WBP1L: variants seen among roughly 807,000 people sequenced by gnomAD.
WBP1L encodes the protein WW domain binding protein 1-like.
Under a neutral mutation model 33.7 loss-of-function variants are expected in WBP1L, and 17 were observed. The observed-to-expected ratio is 0.50, with a 90% CI of 0.34 to 0.76. The LOEUF is 0.76. Among genes scored for constraint, WBP1L ranks in the 30% least tolerant of loss-of-function variants. The pLI is 0.01. For synonymous variants in WBP1L, 173 were observed against 190.8 expected (o/e 0.91, Z 0.77); for missense variants, 389 against 469.4 (o/e 0.83, Z 1.58).
intron 1 of WBP1L, chr10:102,776,382 T>G: frequency 6.2e-7 from 1 of 1,614,162 alleles, no homozygotes; most frequent in South Asian, 1.1e-5. Flanking sequence ...TGGACGATGC[T>G]CTTGCAGGAT....
At chr10:102,751,373 A>G (rs1420021999) in intron 1 of WBP1L, among the ~76,000 whole-genome samples, 2 of 148,484 alleles carry the variant, frequency 1.3e-5, no homozygotes, top group Non-Finnish European at 3.0e-5. Context: ...GCTGAAGTGC[A>G]GTGGTGCAAT....
chr10:102,757,889 T>TTG, intron 1 of WBP1L, among the ~76,000 whole-genome samples: 1 of 72,802 alleles, frequency 1.4e-5, no homozygotes, highest in Admixed American at 1.7e-4. Flanking sequence ...CCCCCCCCCT[T>TTG]TTTTTTTTTT....
At chr10:102,744,652 A>G (rs1842843308) in intron 1 of WBP1L, among the ~76,000 whole-genome samples, 1 of 152,134 alleles carries the variant, frequency 6.6e-6, no homozygotes, top group South Asian at 2.1e-4. Flanking sequence ...ACTTGGCCCC[A>G]TTTTAAAATC....
chr10:102,769,443 C>T (rs187613337), intron 1 of WBP1L, among the ~76,000 whole-genome samples: 28 of 151,392 alleles, frequency 1.8e-4, no homozygotes, highest in Admixed American at 1.3e-3. Flanking sequence ...GTTTGTCCCT[C>T]GCCTCACCAT....
rs750568318 is a variant in WBP1L at position 102,813,308 on chromosome 10, CAGA to C, written c.1070_1072del (p.Gln357_Ser358delinsArg). On this transcript the variant is annotated inframe_deletion, in exon 4 of 4. Transcript: ENST00000448841. ...CAACGAGCAGGACTCTCCCAACTCC[CAGA>C]GCAGCAGCTCCCCCAGCTAGAGCAG... 3 of 1,609,606 alleles carry C rather than the reference CAGA, an allele frequency of 1.9e-6. 1 individual carries two copies. The South Asian group carries it at 3.3e-5, about 18-fold the overall frequency.
At chr10:102,758,844 T>G in intron 1 of WBP1L, among the ~76,000 whole-genome samples, 1 of 152,094 alleles carries the variant, frequency 6.6e-6, no homozygotes. Context: ...TAGGGGGCCC[T>G]TCCTTTTAGG....
At chr10:102,783,965 TCATTATCTGCCC>T (rs1158230947) in intron 1 of WBP1L, among the ~76,000 whole-genome samples, 2 of 152,228 alleles carry the variant, frequency 1.3e-5, no homozygotes, top group African/African-American at 2.4e-5. Context: ...CAGTGTGTGT[TCATTATCTGCCC>T]AGAAATTTAG....
At chr10:102,799,684 A>G (rs1843624850) in intron 2 of WBP1L, among the ~76,000 whole-genome samples, 1 of 152,176 alleles carries the variant, frequency 6.6e-6, no homozygotes, top group African/African-American at 2.4e-5. Flanking sequence ...TCCATTTGGA[A>G]ACAGACTTCG....
chr10:102,757,199 A>AT (rs1456366892), intron 1 of WBP1L, among the ~76,000 whole-genome samples: 1 of 152,136 alleles, frequency 6.6e-6, no homozygotes, highest in Admixed American at 6.5e-5. Flanking sequence ...CAATTTTTAA[A>AT]TTTTTTATAG....
chr10:102,750,419 G>GTAA (rs1842913773), intron 1 of WBP1L, among the ~76,000 whole-genome samples: 2 of 151,898 alleles, frequency 1.3e-5, no homozygotes, highest in Admixed American at 1.3e-4. Flanking sequence ...AAACTTTATT[G>GTAA]AGGTAATTTA....
At chr10:102,804,129 C>A (rs1843697989) in intron 2 of WBP1L, 1 of 151,974 alleles carries the variant, frequency 6.6e-6, no homozygotes, top group Admixed American at 6.6e-5. Flanking sequence ...TGACTCACAC[C>A]TGTAATCCCA....
At chr10:102,787,529 A>G (rs1220851071) in intron 1 of WBP1L, among the ~76,000 whole-genome samples, 1 of 151,912 alleles carries the variant, frequency 6.6e-6, no homozygotes, top group Non-Finnish European at 1.5e-5. Flanking sequence ...TTGAGGCTGC[A>G]GTGAGCTATG....
At chr10:102,750,523 T>C (rs1590164538) in intron 1 of WBP1L, among the ~76,000 whole-genome samples, 1 of 137,290 alleles carries the variant, frequency 7.3e-6, no homozygotes, top group Non-Finnish European at 1.6e-5. Context: ...TTTTAGCATA[T>C]TTTCTTTTTT....
intron 2 of WBP1L, among the ~76,000 whole-genome samples, chr10:102,802,547 C>T (rs1843673317): frequency 6.6e-6 from 1 of 152,142 alleles, no homozygotes; most frequent in Non-Finnish European, 1.5e-5. Context: ...GCGTCTCACT[C>T]CCTCGCCCAG....
In WBP1L at chr10:102,759,066, G is replaced by A. The variant is rs368659569; in HGVS notation, c.90+14923G>A. On this transcript the variant is annotated intron_variant, in intron 1 of 3. Transcript: ENST00000448841. ...ACCACAGGGAGGGGTTTAGGACTCC[G>A]GATGACTGTGGGCAGGCCTGGATAA... Among the ~76,000 whole-genome samples, 160 of 152,230 alleles carry A rather than the reference G, an allele frequency of 1.1e-3. 1 individual carries two copies. The highest frequency in any genetic ancestry group is 3.6e-3 in the African/African-American group (150 of 41,578).
At chr10:102,799,130 A>C (rs528902048) in intron 2 of WBP1L, among the ~76,000 whole-genome samples, 12 of 152,306 alleles carry the variant, frequency 7.9e-5, no homozygotes, top group Non-Finnish European at 1.6e-4. Flanking sequence ...GTTCAATACC[A>C]GCCTGGCTAA....
intron 1 of WBP1L, among the ~76,000 whole-genome samples, chr10:102,782,944 C>A (rs1306573555): frequency 1.3e-5 from 2 of 152,186 alleles, no homozygotes; most frequent in Admixed American, 1.3e-4. Flanking sequence ...TTGCTTAACA[C>A]ACAAGACTTA....
At chr10:102,770,660 T>A (rs2134038129) in intron 1 of WBP1L, among the ~76,000 whole-genome samples, 1 of 152,290 alleles carries the variant, frequency 6.6e-6, no homozygotes, top group Non-Finnish European at 1.5e-5. Flanking sequence ...TTTCCCAGTC[T>A]TTGACCTCAT....
Position 102,812,798 on chromosome 10 carries a change from A to G in WBP1L, c.559A>G (p.Arg187Gly). The change falls in exon 4 of 4, where the codon AGA (arginine) becomes GGA (glycine). Residue 187 changes from arginine to glycine, a missense_variant. Transcript: ENST00000448841. ...AQSSPLSEPS[R>G]SSTRPPSIAD... is the part of the protein sequence containing the mutation. Reference sequence around the variant, plus strand: ...GAGCAGCCCCTTGTCTGAGCCCAGCAGAAGCAGCACAAGACCCCCAAGCAT... The same window carrying G: ...GAGCAGCCCCTTGTCTGAGCCCAGCGGAAGCAGCACAAGACCCCCAAGCAT... 1.2e-6 allele frequency: 2 copies of G among 1,605,244 alleles called. No homozygotes were observed. Among genetic ancestry groups the G allele is most frequent in the Non-Finnish European group, 1.7e-6 (2 of 1,176,086 alleles).
Sources: gnomAD v4.1 joint callset for allele counts (sites outside exome capture counted in the v4.1 genomes callset) on GRCh38, gnomAD v4.1.1 for gene constraint, MANE v1.5 for transcripts, NCBI Gene and HGNC (gene_info 2026-07-23, HGNC 2026-07-21) for gene names.